The following TNRC6B variants were observed in gnomAD, a reference collection of about 807,000 sequenced individuals.
TNRC6B encodes the protein trinucleotide repeat-containing gene 6B protein.
TNRC6B carries 52 observed loss-of-function variants against 203.6 expected under a neutral mutation model. That is an observed-to-expected ratio of 0.26 (90% CI 0.20 to 0.32). The LOEUF is 0.32. Ranked by LOEUF, TNRC6B falls within the 10% of genes least tolerant of loss-of-function variation. The probability of loss-of-function intolerance (pLI) is 1.00; values close to 1 mark genes in which losing one functional copy is unlikely to be tolerated. For missense variants in TNRC6B, 1,923 were observed against 2,286.2 expected, an observed-to-expected ratio of 0.84 and a Z score of 3.24; for synonymous variants, 838 against 845.7, an observed-to-expected ratio of 0.99 and a Z score of 0.16.
At chr22:40,124,321 C>CTTTT (rs545893898) in intron 2 of TNRC6B, among the ~76,000 whole-genome samples, 6 of 134,028 alleles carry the variant, frequency 4.5e-5, no homozygotes, top group African/African-American at 1.7e-4. Context: ...ATCTTTTTAC[C>CTTTT]TTTTTTTTTT....
At position 40,329,083 on chromosome 22, in the gene TNRC6B, T is replaced by C. The variant is rs1025133547; in HGVS notation, c.*5842T>C. 4 of 152,206 alleles carry C rather than the reference T, an allele frequency of 2.6e-5. No individual in the cohort carries two copies. The highest frequency in any genetic ancestry group is 4.4e-5 in the Non-Finnish European group (3 of 68,006). 9.4% of individuals were successfully genotyped at this position (152,206 alleles called of 1,614,324 possible). A position where few individuals can be genotyped will look rare whatever the true frequency, so the allele number is the denominator to read the frequency against. ...TTCTTTAATTGTGTTTTTCCTCCTG[T>C]GAGTGGACAACTAAAGCCGCGTGAT... On this transcript the variant is annotated 3_prime_UTR_variant, in exon 23 of 23. Transcript: ENST00000454349.
In TNRC6B at chr22:40,177,930, C is replaced by G. The variant is rs992990429; in HGVS notation, c.-206C>G. 3.2e-5 allele frequency: 44 copies of G among 1,354,340 alleles called. No individual in the cohort carries two copies. In the Admixed American group the frequency reaches 1.0e-3, roughly 32 times the overall value. The allele number at this position is 1,354,340 out of a possible 1,614,324, so 83.9% of individuals were successfully genotyped here. On this transcript the variant is annotated 5_prime_UTR_variant, in exon 1 of 23. Coordinates refer to ENST00000454349, the MANE Select transcript of TNRC6B (RefSeq NM_001162501.2). ...CACAAAAAGCTGCTTCCTTTAGAGA[C>G]AGAGAGGGAGAGAGAGAGCAAGAGG... is the stretch of plus-strand genomic sequence containing the variant.
intron 16 of TNRC6B, among the ~76,000 whole-genome samples, 174 bp from the exon 17 acceptor site, chr22:40,310,643 G>A (rs1436026253): frequency 6.6e-6 from 1 of 152,178 alleles, no homozygotes; most frequent in East Asian, 1.9e-4. Context: ...ACTTGTTGTT[G>A]GTCATGCTGC....
At chr22:40,251,102 T>C (rs2070185912) in intron 2 of TNRC6B, 77 bp from the exon 3 acceptor site, 6 of 1,257,118 alleles carry the variant, frequency 4.8e-6, no homozygotes, top group Admixed American at 2.8e-5. Flanking sequence ...ACTTGAGTTA[T>C]CAGACTAAAG....
chr22:40,049,968 T>G (rs112897258), intron 1 of TNRC6B, among the ~76,000 whole-genome samples: 6,742 of 152,256 alleles, frequency 0.044, 449 homozygotes, highest in African/African-American at 0.15. Context: ...CCATTAGTAT[T>G]AGTTTCTATT....
At chr22:40,276,294 T>C (rs2070643623) in intron 7 of TNRC6B, among the ~76,000 whole-genome samples, 1 of 150,286 alleles carries the variant, frequency 6.7e-6, no homozygotes, top group Non-Finnish European at 1.5e-5. Context: ...TTGCAGTGAG[T>C]TGGGATGGCA....
intron 1 of TNRC6B, among the ~76,000 whole-genome samples, chr22:40,054,316 C>G (rs540149999): frequency 1.3e-5 from 2 of 152,274 alleles, no homozygotes; most frequent in East Asian, 3.9e-4. Context: ...TGCCAGCGTC[C>G]CCTGCCTCTT....
intron 3 of TNRC6B, among the ~76,000 whole-genome samples, chr22:40,131,725 G>A (rs1023471491): frequency 6.6e-6 from 1 of 152,194 alleles, no homozygotes; most frequent in Non-Finnish European, 1.5e-5. Context: ...AGTTTAGAAC[G>A]AGCTTTTTTT....
intron 1 of TNRC6B, among the ~76,000 whole-genome samples, chr22:40,052,365 A>G (rs1328951710): frequency 6.6e-6 from 1 of 151,980 alleles, no homozygotes; most frequent in African/African-American, 2.4e-5. Flanking sequence ...TGTCTGATGA[A>G]TTAGAATTGA....
chr22:40,061,816 G>C (rs2067855792), intron 1 of TNRC6B, among the ~76,000 whole-genome samples: 1 of 152,242 alleles, frequency 6.6e-6, no homozygotes, highest in East Asian at 1.9e-4. Flanking sequence ...GCTCACACCT[G>C]TAATCCCAGC....
intron 1 of TNRC6B, among the ~76,000 whole-genome samples, chr22:40,227,358 CTTTTTTTTT>C (rs71199278): frequency 8.5e-5 from 6 of 71,000 alleles, no homozygotes; most frequent in Admixed American, 2.1e-4. Flanking sequence ...CTGAAATTAC[CTTTTTTTTT>C]TTTTTTTTTT....
chr22:40,194,616 C>G (rs966889238), intron 1 of TNRC6B, among the ~76,000 whole-genome samples: 15 of 152,162 alleles, frequency 9.9e-5, no homozygotes, highest in African/African-American at 3.6e-4. Context: ...TCTTAGTTTT[C>G]CCCACCTGCT....
chr22:40,232,787 C>T (rs985545400), intron 1 of TNRC6B, among the ~76,000 whole-genome samples: 1 of 152,144 alleles, frequency 6.6e-6, no homozygotes, highest in African/African-American at 2.4e-5. Flanking sequence ...CCAAGGCAGG[C>T]GGATCACTTG....
At chr22:40,104,119 C>T (rs554419136) in intron 1 of TNRC6B, among the ~76,000 whole-genome samples, 4 of 151,904 alleles carry the variant, frequency 2.6e-5, no homozygotes, top group Non-Finnish European at 4.4e-5. Flanking sequence ...GGCGTGGTGG[C>T]GGGTGCCTAT....
intron 3 of TNRC6B, among the ~76,000 whole-genome samples, chr22:40,259,662 A>G (rs912813319): frequency 6.6e-6 from 1 of 152,122 alleles, no homozygotes; most frequent in Non-Finnish European, 1.5e-5. Flanking sequence ...TTACCTGGAA[A>G]TTGCTGCAGG....
At chr22:40,301,894 C>T (rs972299184) in intron 15 of TNRC6B, among the ~76,000 whole-genome samples, 2 of 152,142 alleles carry the variant, frequency 1.3e-5, no homozygotes, top group African/African-American at 4.8e-5. Context: ...TCTCCTACCG[C>T]CGGGAATTTT....
At chr22:40,046,392 A>G (rs2067688006) in intron 1 of TNRC6B, among the ~76,000 whole-genome samples, 2 of 152,262 alleles carry the variant, frequency 1.3e-5, no homozygotes, top group African/African-American at 4.8e-5. Flanking sequence ...ACCAATATCC[A>G]GAATACAAAT....
intron 4 of TNRC6B, among the ~76,000 whole-genome samples, chr22:40,166,022 C>T (rs561782335): frequency 1.3e-5 from 2 of 152,172 alleles, no homozygotes; most frequent in South Asian, 4.1e-4. Flanking sequence ...CTAGCCAAGT[C>T]TGAACCTTTT....
chr22:40,236,760 T>C (rs1431813925), intron 1 of TNRC6B, among the ~76,000 whole-genome samples: 1 of 152,194 alleles, frequency 6.6e-6, no homozygotes, highest in African/African-American at 2.4e-5. Context: ...TGGAGATTAA[T>C]ATGTTCAAGT....
Sources: allele counts gnomAD v4.1 joint callset (sites outside exome capture counted in the v4.1 genomes callset), GRCh38; gene constraint gnomAD v4.1.1; transcripts MANE v1.5; gene names NCBI Gene and HGNC (gene_info 2026-07-23, HGNC 2026-07-21).